GNAI1: variants seen among roughly 807,000 people sequenced by gnomAD.
GNAI1 encodes G protein subunit alpha i1.
A neutral mutation model predicts 38.9 loss-of-function variants in GNAI1; 11 were observed. The observed-to-expected ratio is 0.28, with a 90% CI of 0.18 to 0.47. GNAI1 has a LOEUF of 0.47. Among genes scored for constraint, GNAI1 ranks in the 20% least tolerant of loss-of-function variants. The pLI is 0.99. For synonymous variants in GNAI1, 166 were observed against 145.1 expected (o/e 1.14, Z -1.04); for missense variants, 317 against 436.9 (o/e 0.73, Z 2.45).
At chr7:80,206,850 A>G (rs563233281) in intron 5 of GNAI1, among the ~76,000 whole-genome samples, 1 of 152,084 alleles carries the variant, frequency 6.6e-6, no homozygotes, top group African/African-American at 2.4e-5. Context: ...ACAAGTAATA[A>G]TAACATAGAA....
chr7:80,192,247 CTCT>C (rs771627963), intron 3 of GNAI1, among the ~76,000 whole-genome samples: 1 of 152,032 alleles, frequency 6.6e-6, no homozygotes, highest in Non-Finnish European at 1.5e-5. Context: ...TTTTTAAATT[CTCT>C]TATTTTTTTA....
chr7:80,138,072 C>G (rs1216510425), intron 1 of GNAI1, among the ~76,000 whole-genome samples: 1 of 152,072 alleles, frequency 6.6e-6, no homozygotes, highest in African/African-American at 2.4e-5. Context: ...AACGTATAAC[C>G]AGTGTCACAG....
At chr7:80,204,664 T>C (rs1264406387) in intron 5 of GNAI1, among the ~76,000 whole-genome samples, 2 of 152,172 alleles carry the variant, frequency 1.3e-5, no homozygotes, top group Non-Finnish European at 2.9e-5. Context: ...CTGCTAGTCA[T>C]TACCATGACT....
chr7:80,156,698 T>G (rs1401257550), intron 1 of GNAI1, among the ~76,000 whole-genome samples: 1 of 152,156 alleles, frequency 6.6e-6, no homozygotes, highest in Non-Finnish European at 1.5e-5. Flanking sequence ...CCTTCCAAAG[T>G]GATGGAGTTA....
At chr7:80,176,789 T>C (rs1788188126) in intron 1 of GNAI1, among the ~76,000 whole-genome samples, 1 of 151,202 alleles carries the variant, frequency 6.6e-6, no homozygotes, top group African/African-American at 2.4e-5. Context: ...AATATAAAAA[T>C]TAGCCAGGGG....
chr7:80,163,098 G>C (rs186205138), intron 1 of GNAI1, among the ~76,000 whole-genome samples: 13 of 152,134 alleles, frequency 8.5e-5, no homozygotes, highest in African/African-American at 2.9e-4. Context: ...GGTTTCATCT[G>C]TCTATCTGGG....
At chr7:80,183,793 C>T (rs928786042) in intron 1 of GNAI1, among the ~76,000 whole-genome samples, 1 of 152,138 alleles carries the variant, frequency 6.6e-6, no homozygotes, top group Non-Finnish European at 1.5e-5. Context: ...AATTACATAA[C>T]TCTCTTAAAG....
chr7:80,186,557 T>C (rs753798828), intron 1 of GNAI1, among the ~76,000 whole-genome samples: 10 of 152,202 alleles, frequency 6.6e-5, no homozygotes, highest in Non-Finnish European at 1.5e-4. Context: ...AAAAATCTTA[T>C]TCTTTACTAT....
intron 4 of GNAI1, among the ~76,000 whole-genome samples, chr7:80,201,592 C>T (rs1373502119): frequency 1.3e-5 from 2 of 152,028 alleles, no homozygotes; most frequent in East Asian, 3.9e-4. Flanking sequence ...AGCATGGTGG[C>T]CCATCCCTGT....
chr7:80,168,024 A>C (rs1788040579), intron 1 of GNAI1, among the ~76,000 whole-genome samples: 1 of 152,218 alleles, frequency 6.6e-6, no homozygotes, highest in African/African-American at 2.4e-5. Context: ...AGTATACCCA[A>C]CCACACCAAT....
intron 1 of GNAI1, among the ~76,000 whole-genome samples, chr7:80,176,693 T>C (rs1788186760): frequency 6.6e-6 from 1 of 152,072 alleles, no homozygotes; most frequent in African/African-American, 2.4e-5. Flanking sequence ...GCCAGCACTT[T>C]TGGGAGGCCA....
intron 5 of GNAI1, among the ~76,000 whole-genome samples, chr7:80,209,353 T>C (rs887615404): frequency 1.3e-5 from 2 of 152,198 alleles, no homozygotes; most frequent in Non-Finnish European, 2.9e-5. Flanking sequence ...AGCTTGGACA[T>C]GAATTGTCAT....
chr7:80,158,799 G>T (rs1333583212), intron 1 of GNAI1, among the ~76,000 whole-genome samples: 1 of 152,160 alleles, frequency 6.6e-6, no homozygotes, highest in Non-Finnish European at 1.5e-5. Flanking sequence ...CCAGCCTCAG[G>T]CAATCCATCC....
chr7:80,176,368 T>C (rs1247800235), intron 1 of GNAI1, among the ~76,000 whole-genome samples: 1 of 152,222 alleles, frequency 6.6e-6, no homozygotes, highest in Admixed American at 6.5e-5. Flanking sequence ...CAGCAAGTGC[T>C]GATGTAGAAG....
At chr7:80,164,637 T>TA (rs1170340392) in intron 1 of GNAI1, among the ~76,000 whole-genome samples, 2 of 152,134 alleles carry the variant, frequency 1.3e-5, no homozygotes, top group Non-Finnish European at 2.9e-5. Flanking sequence ...TCTTTTTGAG[T>TA]ACTCACATTT....
chr7:80,143,010 T>C (rs1214058050), intron 1 of GNAI1, among the ~76,000 whole-genome samples: 1 of 152,228 alleles, frequency 6.6e-6, no homozygotes, highest in Non-Finnish European at 1.5e-5. Flanking sequence ...CACAACTATA[T>C]ATTTCACACA....
intron 3 of GNAI1, among the ~76,000 whole-genome samples, chr7:80,197,696 C>T (rs1374616695): frequency 1.3e-5 from 2 of 151,950 alleles, no homozygotes; most frequent in African/African-American, 2.4e-5. Flanking sequence ...ATGCACGTGT[C>T]GCTTGCATGC....
chr7:80,173,269 T>C (rs1788126753), intron 1 of GNAI1, among the ~76,000 whole-genome samples: 1 of 152,226 alleles, frequency 6.6e-6, no homozygotes, highest in Non-Finnish European at 1.5e-5. Flanking sequence ...ATATGTCTTT[T>C]ATATCTTGTC....
intron 1 of GNAI1, chr7:80,136,030 T>G: frequency 1.0e-6 from 1 of 985,476 alleles, no homozygotes; most frequent in Non-Finnish European, 1.2e-6. Context: ...ACAACAGGGT[T>G]CTGTCTCCGC....
Sources: gnomAD v4.1 joint callset for allele counts (sites outside exome capture counted in the v4.1 genomes callset) on GRCh38, gnomAD v4.1.1 for gene constraint, MANE v1.5 for transcripts, NCBI Gene and HGNC (gene_info 2026-07-23, HGNC 2026-07-21) for gene names.